Variants in CRISPLD1 observed in about 807,000 individuals in gnomAD.
CRISPLD1 encodes cysteine rich secretory protein LCCL domain containing 1, also known as cysteine-rich secretory protein LCCL domain-containing 1.
A neutral mutation model predicts 77.5 loss-of-function variants in CRISPLD1; 60 were observed. That is an observed-to-expected ratio of 0.77 (90% CI 0.63 to 0.96). The LOEUF (loss-of-function observed/expected upper bound fraction) is 0.96, where lower values mean the gene tolerates loss of function less well. CRISPLD1 is among the 40% of genes least tolerant of loss of function. CRISPLD1 has a pLI of 0.00. For synonymous variants in CRISPLD1, 195 were observed against 200.1 expected, an observed-to-expected ratio of 0.97 and a Z score of 0.22; for missense variants, 623 against 615.8, an observed-to-expected ratio of 1.01 and a Z score of -0.12.
At chr8:75,013,210 C>G (rs1444271733) in intron 4 of CRISPLD1, among the ~76,000 whole-genome samples, 188 bp downstream of exon 4, 2 of 151,830 alleles carry the variant, frequency 1.3e-5, no homozygotes, top group African/African-American at 4.8e-5. Context: ...ACAAAAAAGT[C>G]CAAACATCTA....
intron 2 of CRISPLD1, among the ~76,000 whole-genome samples, chr8:74,994,016 G>C (rs2128781318): frequency 6.6e-6 from 1 of 152,312 alleles, no homozygotes; most frequent in South Asian, 2.1e-4. Context: ...TTAGCTGAGT[G>C]ATAAGAAGCC....
chr8:74,998,710 T>TAAAAAAAAAAAAAAAAAAAAAAAAAA (rs1812685739), intron 2 of CRISPLD1, among the ~76,000 whole-genome samples: 1 of 90,310 alleles, frequency 1.1e-5, no homozygotes, highest in African/African-American at 5.1e-5. Flanking sequence ...AAAAAAAAAG[T>TAAAAAAAAAAAAAAAAAAAAAAAAAA]AAAGTTCAAA....
intron 2 of CRISPLD1, among the ~76,000 whole-genome samples, chr8:74,986,942 T>C (rs1210390743): frequency 6.6e-6 from 1 of 152,188 alleles, no homozygotes; most frequent in Non-Finnish European, 1.5e-5. Context: ...TATACTGCCA[T>C]TTCATACCCT....
intron 2 of CRISPLD1, among the ~76,000 whole-genome samples, chr8:75,007,491 T>G (rs1174714614): frequency 6.6e-6 from 1 of 152,016 alleles, no homozygotes; most frequent in African/African-American, 2.4e-5. Context: ...TCTAGATAGC[T>G]GCATAATTTC....
In CRISPLD1 at chr8:75,012,531, T is replaced by A; in HGVS notation, c.357T>A (p.Asn119Lys). The A allele has an allele frequency of 1.2e-6, 2 of 1,609,580 alleles. No individual in the cohort carries two copies. The highest frequency in any genetic ancestry group is 1.7e-6 in the Non-Finnish European group (2 of 1,176,138). ...GCTTGCTTCCATCAATTGGACAGAA[T>A]TTGGGAGCACACTGGGGAAGGTATC... The part of the protein sequence containing the change: ...PASLLPSIGQ[N>K]LGAHWGRYRP... The change falls in exon 3 of 15, where the codon AAT becomes AAA. Residue 119 changes from asparagine (N) to lysine (K), a missense_variant. Asn to Lys is a moderately conservative substitution (Grantham distance 94, BLOSUM62 0). Coordinates refer to ENST00000262207, the MANE Select transcript of CRISPLD1 (RefSeq NM_031461.6).
intron 2 of CRISPLD1, among the ~76,000 whole-genome samples, chr8:75,001,939 T>G (rs1430289851): frequency 6.6e-6 from 1 of 152,196 alleles, no homozygotes; most frequent in African/African-American, 2.4e-5. Context: ...TTCCAAACTT[T>G]GAGTTTCTTG....
chr8:75,018,040 TG>T (rs1331371850), intron 10 of CRISPLD1, among the ~76,000 whole-genome samples: 1 of 152,102 alleles, frequency 6.6e-6, no homozygotes, highest in Non-Finnish European at 1.5e-5. Flanking sequence ...AGTAGAAAAA[TG>T]GGGGCTTTTG....
At chr8:75,012,290 C>G in intron 2 of CRISPLD1, 143 bp from the exon 3 acceptor site, 1 of 630,612 alleles carries the variant, frequency 1.6e-6, no homozygotes, top group Non-Finnish European at 2.8e-6. Context: ...ACTTAGATGA[C>G]TTTTGAGTCT....
In CRISPLD1 at chr8:75,033,669, A is replaced by G. The variant is rs544811073; in HGVS notation, c.*1427A>G. The G allele has an allele frequency of 3.3e-5, 5 of 152,124 alleles. No individual in the cohort carries two copies. The highest frequency in any genetic ancestry group is 2.1e-4 in the South Asian group (1 of 4,826). The allele number at this position is 152,124 out of a possible 1,614,324, so 9.4% of individuals were successfully genotyped here. ...GGATAAACGAGATAAATTCCATGCA[A>G]TGATCAAGGAAAGCAAGAGAGCAGA... On this transcript the variant is annotated 3_prime_UTR_variant, in exon 15 of 15. Transcript: ENST00000262207.
At chr8:74,987,731 AC>A (rs1389689617) in intron 2 of CRISPLD1, among the ~76,000 whole-genome samples, 1 of 152,210 alleles carries the variant, frequency 6.6e-6, no homozygotes, top group African/African-American at 2.4e-5. Flanking sequence ...AGCCCCTCCA[AC>A]TAGGCTACTG....
intron 13 of CRISPLD1, among the ~76,000 whole-genome samples, chr8:75,028,781 G>T (rs1587032259): frequency 6.6e-6 from 1 of 152,044 alleles, no homozygotes; most frequent in Non-Finnish European, 1.5e-5. Context: ...ACAAATCTAG[G>T]TAGAAGCTAT....
intron 12 of CRISPLD1, among the ~76,000 whole-genome samples, chr8:75,022,457 C>T (rs926373279): frequency 2.0e-5 from 3 of 151,780 alleles, no homozygotes; most frequent in East Asian, 3.9e-4. Flanking sequence ...GGCGTGGGGG[C>T]GGGTGCCTGT....
chr8:75,005,877 A>T (rs957162629), intron 2 of CRISPLD1, among the ~76,000 whole-genome samples: 1 of 152,124 alleles, frequency 6.6e-6, no homozygotes, highest in African/African-American at 2.4e-5. Flanking sequence ...ATGCCACCAT[A>T]TTTCCATTAG....
chr8:75,023,228 T>G (rs1161122252), intron 12 of CRISPLD1, among the ~76,000 whole-genome samples: 2 of 152,212 alleles, frequency 1.3e-5, no homozygotes, highest in Non-Finnish European at 2.9e-5. Flanking sequence ...CTAACTCAAC[T>G]TGGACTACTG....
intron 2 of CRISPLD1, among the ~76,000 whole-genome samples, chr8:74,990,786 AAC>A (rs1482215132): frequency 2.0e-5 from 3 of 151,880 alleles, no homozygotes; most frequent in East Asian, 1.9e-4. Context: ...AAAAAAAAAA[AAC>A]CAGAAAATTG....
intron 2 of CRISPLD1, among the ~76,000 whole-genome samples, chr8:75,011,844 A>C (rs1317445885): frequency 6.6e-6 from 1 of 152,172 alleles, no homozygotes; most frequent in African/African-American, 2.4e-5. Context: ...CAGTCTCATG[A>C]AAAAGATAGA....
intron 2 of CRISPLD1, among the ~76,000 whole-genome samples, chr8:75,001,318 G>T (rs906358103): frequency 3.3e-5 from 5 of 152,090 alleles, no homozygotes. Context: ...CTGGATTTCA[G>T]TGACTTTCTG....
intron 2 of CRISPLD1, among the ~76,000 whole-genome samples, chr8:75,002,316 T>C (rs1812756279): frequency 6.7e-6 from 1 of 148,998 alleles, no homozygotes; most frequent in South Asian, 2.2e-4. Context: ...TTACAGCAAA[T>C]CAAGCAGATT....
At chr8:75,014,193 T>C (rs1247585922) in intron 5 of CRISPLD1, 91 bp downstream of exon 5, 1 of 801,076 alleles carries the variant, frequency 1.2e-6, no homozygotes, top group African/African-American at 1.7e-5. Context: ...ATTTTCAGTG[T>C]GTATCACTGA....
Sources: allele counts gnomAD v4.1 joint callset (sites outside exome capture counted in the v4.1 genomes callset), GRCh38; gene constraint gnomAD v4.1.1; transcripts MANE v1.5; gene names NCBI Gene and HGNC (gene_info 2026-07-23, HGNC 2026-07-21).